Variants in PKN2 observed in about 807,000 individuals in gnomAD.
The protein encoded by PKN2 is serine/threonine-protein kinase N2.
PKN2 carries 38 observed loss-of-function variants against 119.1 expected under a neutral mutation model. The ratio of observed to expected loss-of-function variants is 0.32; its 90% CI spans 0.25 to 0.42. PKN2 has a LOEUF of 0.42. PKN2 is among the 10% of genes least tolerant of loss of function. The probability of loss-of-function intolerance (pLI) is 1.00; values close to 1 mark genes in which losing one functional copy is unlikely to be tolerated. For synonymous variants in PKN2, 390 were observed against 384.9 expected (o/e 1.01, Z -0.15); for missense variants, 850 against 1,165.1 (o/e 0.73, Z 3.94).
chr1:88,724,385 T>G (rs1429398580), intron 1 of PKN2, among the ~76,000 whole-genome samples: 1 of 152,168 alleles, frequency 6.6e-6, no homozygotes, highest in Non-Finnish European at 1.5e-5. Context: ...TGTTTCTGTA[T>G]TTTGAATTCT....
At chr1:88,800,604 T>C (rs1570650441) in intron 8 of PKN2, among the ~76,000 whole-genome samples, 3 of 152,354 alleles carry the variant, frequency 2.0e-5, no homozygotes. Context: ...GATGTCGCTG[T>C]GTTCCCTATG....
rs184359139 is a variant in PKN2 at position 88,776,511 on chromosome 1, G to A, written c.985+4632G>A. ...TCCCAGCACTTAAGGAGGCCGAGAC[G>A]GGTGGATCACTTGAGGTCAGGAGTT... On this transcript the variant is annotated intron_variant, in intron 6 of 21. Transcript: ENST00000370521. 2.6e-3 allele frequency among the ~76,000 whole-genome samples: 392 copies of A among 151,890 alleles called. 2 individuals carry two copies. Among genetic ancestry groups the A allele is most frequent in the African/African-American group, 9.1e-3 (377 of 41,422 alleles).
intron 16 of PKN2, chr1:88,815,376 TC>T: frequency 3.5e-6 from 1 of 283,940 alleles, no homozygotes; most frequent in South Asian, 3.1e-5. Context: ...TTTTCTGAGT[TC>T]CCTAGCTAAA....
chr1:88,709,787 C>T (rs1252146544), intron 1 of PKN2, among the ~76,000 whole-genome samples: 3 of 152,120 alleles, frequency 2.0e-5, no homozygotes, highest in South Asian at 2.1e-4. Flanking sequence ...AAAAATTATG[C>T]TGGGTCTCCA....
chr1:88,820,233 TAA>T lies in PKN2; in HGVS notation c.2280-1706_2280-1705del, dbSNP rs1288643484. On this transcript the variant is annotated intron_variant, in intron 16 of 21. Coordinates refer to ENST00000370521, the MANE Select transcript of PKN2 (RefSeq NM_006256.4). The stretch of plus-strand genomic sequence containing the variant: ...ATATATATATATATATATATATATA[TAA>T]ATAGAAAAAAATAAAAATGCGAGGC... Among the ~76,000 whole-genome samples, 38 of 52,694 alleles carry T rather than the reference TAA, an allele frequency of 7.2e-4. 2 individuals are homozygous for T. The highest frequency in any genetic ancestry group is 2.7e-3 in the African/African-American group (30 of 11,102). 34.6% of individuals were successfully genotyped at this position (52,694 alleles called of 152,430 possible). A position where few individuals can be genotyped will look rare whatever the true frequency, so the allele number is the denominator to read the frequency against.
At chr1:88,688,337 G>A (rs1036617616) in intron 1 of PKN2, among the ~76,000 whole-genome samples, 15 of 151,898 alleles carry the variant, frequency 9.9e-5, no homozygotes, top group East Asian at 5.8e-4. Flanking sequence ...CGCTTGCCTC[G>A]GCCTCCCAAA....
At chr1:88,743,828 A>G (rs1212274487) in intron 2 of PKN2, among the ~76,000 whole-genome samples, 1 of 149,648 alleles carries the variant, frequency 6.7e-6, no homozygotes, top group Non-Finnish European at 1.5e-5. Context: ...TTAGAAAACA[A>G]AGACTTAAAA....
At chr1:88,761,739 T>C (rs1669451877) in intron 3 of PKN2, among the ~76,000 whole-genome samples, 1 of 152,210 alleles carries the variant, frequency 6.6e-6, no homozygotes, top group Admixed American at 6.5e-5. Flanking sequence ...AAGAATTTTT[T>C]GTTACTTTTA....
In PKN2 at chr1:88,824,513, A is replaced by C. The variant is rs531426293; in HGVS notation, c.2419+127A>C. ...ACTTTATTCTTCATTAAGACATTGT[A>C]GATACAATGAAAACATTGCTTATAT... On this transcript the variant is annotated intron_variant, in intron 18 of 21. Transcript: ENST00000370521. 2.4e-5 allele frequency: 14 copies of C among 594,600 alleles called. No individual in the cohort carries two copies. In the Middle Eastern group the frequency reaches 1.2e-3, roughly 53 times the overall value. The allele number at this position is 594,600 out of a possible 1,614,324, so 36.8% of individuals were successfully genotyped here. A position where few individuals can be genotyped will look rare whatever the true frequency, so the allele number is the denominator to read the frequency against.
chr1:88,792,883 AG>A (rs1484640394), intron 8 of PKN2, among the ~76,000 whole-genome samples: 1 of 152,188 alleles, frequency 6.6e-6, no homozygotes, highest in Non-Finnish European at 1.5e-5. Flanking sequence ...GTACTTTGTA[AG>A]GGTTCCATAA....
chr1:88,743,881 A>C (rs1294064565), intron 2 of PKN2, among the ~76,000 whole-genome samples: 1 of 146,618 alleles, frequency 6.8e-6, no homozygotes, highest in Non-Finnish European at 1.5e-5. Context: ...GACCATTTTT[A>C]ATACTGACAT....
chr1:88,756,910 T>G (rs1570584692), intron 2 of PKN2, among the ~76,000 whole-genome samples: 1 of 152,196 alleles, frequency 6.6e-6, no homozygotes, highest in East Asian at 1.9e-4. Flanking sequence ...TTTTCACTAT[T>G]TAACACATGA....
chr1:88,823,561 A>G (rs1043029636), intron 17 of PKN2, among the ~76,000 whole-genome samples: 2 of 151,688 alleles, frequency 1.3e-5, no homozygotes, highest in African/African-American at 2.4e-5. Flanking sequence ...AAAATTAGCC[A>G]GGCTTGGTGG....
chr1:88,824,114 T>C (rs1672404885), intron 17 of PKN2, among the ~76,000 whole-genome samples, 196 bp from the exon 18 acceptor site: 1 of 152,168 alleles, frequency 6.6e-6, no homozygotes, highest in Admixed American at 6.5e-5. Flanking sequence ...AGCTACCTTA[T>C]ATAGAGTAAT....
At chr1:88,774,920 G>C (rs1046212544) in intron 6 of PKN2, among the ~76,000 whole-genome samples, 1 of 152,076 alleles carries the variant, frequency 6.6e-6, no homozygotes, top group Non-Finnish European at 1.5e-5. Context: ...TGTTGCTCAG[G>C]CTTGTCTCAA....
chr1:88,688,089 T>C (rs1570474698), intron 1 of PKN2, among the ~76,000 whole-genome samples: 1 of 36 alleles, frequency 0.028, no homozygotes, highest in South Asian at 0.5. Context: ...TACACTATTC[T>C]TTTTTTTTTT....
intron 2 of PKN2, among the ~76,000 whole-genome samples, chr1:88,746,335 A>G (rs756574455): frequency 2.0e-4 from 31 of 152,146 alleles, no homozygotes; most frequent in Non-Finnish European, 4.6e-4. Flanking sequence ...GAGACAACCC[A>G]AAGAATGGGA....
At chr1:88,743,200 G>A (rs1668643145) in intron 2 of PKN2, among the ~76,000 whole-genome samples, 1 of 151,990 alleles carries the variant, frequency 6.6e-6, no homozygotes, top group Non-Finnish European at 1.5e-5. Flanking sequence ...AAAAATAAAA[G>A]GTTTATTGAA....
chr1:88,706,823 A>G (rs780241528), intron 1 of PKN2, among the ~76,000 whole-genome samples: 1 of 152,132 alleles, frequency 6.6e-6, no homozygotes. Flanking sequence ...TTTTTGACCC[A>G]TAGGTTAATG....
Sources: allele counts gnomAD v4.1 joint callset (sites outside exome capture counted in the v4.1 genomes callset), GRCh38; gene constraint gnomAD v4.1.1; transcripts MANE v1.5; gene names NCBI Gene and HGNC (gene_info 2026-07-23, HGNC 2026-07-21).